TRIM2: variants seen among roughly 807,000 people sequenced by gnomAD.
TRIM2 encodes the protein tripartite motif containing 2.
Under a neutral mutation model 75.2 loss-of-function variants are expected in TRIM2, and 20 were observed. That is an observed-to-expected ratio of 0.27 (90% confidence interval 0.19 to 0.39). The LOEUF is 0.39. TRIM2 is among the 10% of genes least tolerant of loss of function. The pLI is 1.00. For missense variants in TRIM2, 660 were observed against 990.8 expected (o/e 0.67, Z 4.48); for synonymous variants, 373 against 388.3 (o/e 0.96, Z 0.46).
chr4:153,152,406 G>GTATATATA (rs1421478817), upstream of TRIM2: 91 of 33,602 alleles, frequency 2.7e-3, no homozygotes, highest in African/African-American at 3.9e-3. Context: ...ATATATATGT[G>GTATATATA]TGTATATATA....
intron 1 of TRIM2, among the ~76,000 whole-genome samples, chr4:153,175,152 A>G (rs1483337400): frequency 6.6e-6 from 1 of 151,970 alleles, no homozygotes; most frequent in Non-Finnish European, 1.5e-5. Context: ...AAGTCACTGG[A>G]ATTACAGGCG....
intron 1 of TRIM2, among the ~76,000 whole-genome samples, chr4:153,253,952 T>C (rs1476337809): frequency 6.6e-6 from 1 of 152,184 alleles, no homozygotes. Flanking sequence ...TTACTTTATT[T>C]ATAAACTTGC....
chr4:153,277,975 T>C (rs1488597004), intron 3 of TRIM2, among the ~76,000 whole-genome samples: 1 of 152,220 alleles, frequency 6.6e-6, no homozygotes, highest in Non-Finnish European at 1.5e-5. Flanking sequence ...GCACTCTAAA[T>C]ACTAGTTATG....
chr4:153,317,848 C>T (rs558807318), intron 8 of TRIM2, among the ~76,000 whole-genome samples: 1 of 151,812 alleles, frequency 6.6e-6, no homozygotes, highest in East Asian at 1.9e-4. Context: ...TAGTCCCAGC[C>T]ACTTGGGAGG....
intron 1 of TRIM2, among the ~76,000 whole-genome samples, chr4:153,218,273 TC>T (rs1284147003): frequency 3.9e-5 from 6 of 152,346 alleles, no homozygotes; most frequent in African/African-American, 1.4e-4. Context: ...AGTGGTGCAA[TC>T]ACAGCTCACT....
In TRIM2 at chr4:153,336,187, C is replaced by G; in HGVS notation, c.*1221C>G. 2.0e-6 allele frequency: 2 copies of G among 985,486 alleles called. No individual in the cohort carries two copies. 61.0% of individuals were successfully genotyped at this position (985,486 alleles called of 1,614,324 possible). ...TTGGTGTATTGAAATAGGCAGCACT[C>G]TGAAAGACAGAAGCTTCGTCCAGCC... On this transcript the variant is annotated 3_prime_UTR_variant, in exon 12 of 12. Coordinates refer to ENST00000338700, the MANE Select transcript of TRIM2 (RefSeq NM_015271.5).
intron 1 of TRIM2, among the ~76,000 whole-genome samples, chr4:153,260,714 A>C: frequency 2.9e-5 from 2 of 68,612 alleles, no homozygotes; most frequent in Non-Finnish European, 5.8e-5. Flanking sequence ...ACACACACAC[A>C]CACACACACA....
chr4:153,170,493 C>T (rs1730739239), intron 1 of TRIM2, among the ~76,000 whole-genome samples: 1 of 152,146 alleles, frequency 6.6e-6, no homozygotes, highest in Non-Finnish European at 1.5e-5. Context: ...AGTTGCAAAG[C>T]ATCTGCCGCA....
At chr4:153,254,025 T>C (rs975134599) in intron 1 of TRIM2, among the ~76,000 whole-genome samples, 29 of 152,156 alleles carry the variant, frequency 1.9e-4, no homozygotes, top group Admixed American at 7.2e-4. Context: ...GAACCCTCTC[T>C]TGGGGTCTGG....
intron 1 of TRIM2, among the ~76,000 whole-genome samples, chr4:153,244,269 T>TTC (rs1747775299): frequency 1.4e-4 from 1 of 7,164 alleles, no homozygotes; most frequent in Non-Finnish European, 3.5e-4. Context: ...CTCCTCCTCC[T>TTC]CCTCCTCCTC....
At chr4:153,164,437 A>G (rs762841285) in intron 1 of TRIM2, among the ~76,000 whole-genome samples, 2 of 152,096 alleles carry the variant, frequency 1.3e-5, no homozygotes, top group Non-Finnish European at 2.9e-5. Context: ...ATTCTTAGCC[A>G]TTCTTCTGCT....
intron 1 of TRIM2, among the ~76,000 whole-genome samples, chr4:153,241,772 G>A (rs1050890729): frequency 1.3e-5 from 2 of 152,176 alleles, no homozygotes; most frequent in Non-Finnish European, 2.9e-5. Context: ...CTGAGGAAAC[G>A]GGTGCACAGA....
At chr4:153,278,300 G>T (rs1758468799) in intron 3 of TRIM2, among the ~76,000 whole-genome samples, 1 of 152,166 alleles carries the variant, frequency 6.6e-6, no homozygotes, top group African/African-American at 2.4e-5. Flanking sequence ...TTTCTGTAGA[G>T]ACAGGGTCTC....
At chr4:153,267,954 C>T (rs1755697129) in intron 1 of TRIM2, among the ~76,000 whole-genome samples, 1 of 152,198 alleles carries the variant, frequency 6.6e-6, no homozygotes, top group African/African-American at 2.4e-5. Flanking sequence ...ACCAGTCTCT[C>T]TGAGCATTCG....
chr4:153,321,527 A>G (rs1371307162), intron 8 of TRIM2, among the ~76,000 whole-genome samples: 2 of 152,242 alleles, frequency 1.3e-5, no homozygotes, highest in African/African-American at 2.4e-5. Flanking sequence ...CTTTTCCCCT[A>G]TTTTAAAATA....
At chr4:153,177,746 CTTCCTTCT>C (rs1203031515) in intron 1 of TRIM2, among the ~76,000 whole-genome samples, 1 of 150,560 alleles carries the variant, frequency 6.6e-6, no homozygotes, top group Non-Finnish European at 1.5e-5. Flanking sequence ...TCCTTCCTTC[CTTCCTTCT>C]TTCCCTCCCA....
chr4:153,212,683 G>T (rs1470951721), intron 1 of TRIM2, among the ~76,000 whole-genome samples: 4 of 152,148 alleles, frequency 2.6e-5, no homozygotes, highest in Non-Finnish European at 4.4e-5. Context: ...GAAAGAAAAA[G>T]AAAAGAGGTG....
rs574774894 is a variant in TRIM2, at chr4:153,198,739, T to A, written c.-49+45469T>A. ...TTTTCCCCTGGTAAAGTGTTTTGTA[T>A]GTTGGCAAATCAGGGACTTGATAAT... On this transcript the variant is annotated intron_variant, in intron 1 of 11. Coordinates refer to the TRIM2 transcript ENST00000437508. 1.2e-4 allele frequency among the ~76,000 whole-genome samples: 18 copies of A among 152,326 alleles called. No individual in the cohort carries two copies. In the East Asian group the frequency reaches 3.5e-3, roughly 29 times the overall value.
chr4:153,197,430 A>G (rs906933271), intron 1 of TRIM2, among the ~76,000 whole-genome samples: 6 of 152,174 alleles, frequency 3.9e-5, no homozygotes, highest in Admixed American at 1.3e-4. Context: ...TTATCAAGCC[A>G]TGCTGCCTGT....
Sources: gnomAD v4.1 joint callset for allele counts (sites outside exome capture counted in the v4.1 genomes callset) on GRCh38, gnomAD v4.1.1 for gene constraint, MANE v1.5 for transcripts, NCBI Gene and HGNC (gene_info 2026-07-23, HGNC 2026-07-21) for gene names.